The following SLC9A9 variants were observed in gnomAD, a reference collection of about 807,000 sequenced individuals.
The protein encoded by SLC9A9 is sodium/hydrogen exchanger 9.
In SLC9A9, 62 loss-of-function variants were observed where a neutral mutation model predicts 77.8. That is an observed-to-expected ratio of 0.80 (90% CI 0.65 to 0.98). The LOEUF (loss-of-function observed/expected upper bound fraction) is 0.98, where lower values mean the gene tolerates loss of function less well. Among genes scored for constraint, SLC9A9 ranks in the 50% least tolerant of loss-of-function variants. The pLI is 0.00. For missense variants in SLC9A9, 775 were observed against 774.9 expected, an observed-to-expected ratio of 1.00 and a Z score of 0.00; for synonymous variants, 320 against 283.5, an observed-to-expected ratio of 1.13 and a Z score of -1.29.
chr3:143,827,161 T>G (rs2009320383), intron 2 of SLC9A9, among the ~76,000 whole-genome samples: 1 of 152,224 alleles, frequency 6.6e-6, no homozygotes, highest in African/African-American at 2.4e-5. Context: ...CATTTTGGTA[T>G]TCCTAAATAT....
intron 14 of SLC9A9, among the ~76,000 whole-genome samples, chr3:143,313,872 A>G (rs1250721254): frequency 6.6e-6 from 1 of 152,176 alleles, no homozygotes; most frequent in Non-Finnish European, 1.5e-5. Flanking sequence ...GACGGGGAGT[A>G]TATTTCACCT....
chr3:143,505,942 G>C (rs998003642), intron 9 of SLC9A9, among the ~76,000 whole-genome samples: 13 of 152,050 alleles, frequency 8.5e-5, no homozygotes, highest in Middle Eastern at 3.2e-3. Flanking sequence ...ACTGATAATA[G>C]TATTCATATT....
chr3:143,712,260 CT>C (rs1405979928), intron 4 of SLC9A9, among the ~76,000 whole-genome samples: 7 of 152,102 alleles, frequency 4.6e-5, no homozygotes, highest in African/African-American at 1.7e-4. Flanking sequence ...CTCTACTTCT[CT>C]GGGGAAAAAA....
intron 2 of SLC9A9, among the ~76,000 whole-genome samples, chr3:143,803,300 CAT>C (rs2008618533): frequency 6.6e-6 from 1 of 152,172 alleles, no homozygotes; most frequent in Non-Finnish European, 1.5e-5. Context: ...GAGCCTAATA[CAT>C]CCCTTCATTC....
rs776974204 is a variant in SLC9A9 at position 143,771,192 on chromosome 3, C to G, written c.533+23809G>C. Among the ~76,000 whole-genome samples, 3 of 152,122 alleles carry G rather than the reference C, an allele frequency of 2.0e-5. No homozygotes were observed. The East Asian group carries it at 5.8e-4, about 29-fold the overall frequency. On this transcript the variant is annotated intron_variant, in intron 4 of 15. Coordinates refer to ENST00000316549, the MANE Select transcript of SLC9A9 (RefSeq NM_173653.4). ...CCTTGATTCAGAGCACACAGTAATACGAAGAAGCAAGGGGGCTTCCTAATG... is the reference window on the plus strand; with the variant it reads ...CCTTGATTCAGAGCACACAGTAATAGGAAGAAGCAAGGGGGCTTCCTAATG...
intron 9 of SLC9A9, among the ~76,000 whole-genome samples, chr3:143,515,084 T>C (rs1178418902): frequency 1.3e-5 from 2 of 152,100 alleles, no homozygotes; most frequent in Non-Finnish European, 2.9e-5. Context: ...TTTAAGGTGA[T>C]TGGTTAGCCT....
Position 143,315,070 on chromosome 3 carries a change from T to TACTC in SLC9A9, c.1605-46094_1605-46091dup, listed in dbSNP as rs531352203. ...AGAAACAAATAACCCTAAGGTGTGA[T>TACTC]ACTCAAGGAAATTACAGAATCCTTA... is the stretch of plus-strand genomic sequence containing the variant. On this transcript the variant is annotated intron_variant, in intron 14 of 15. Transcript: ENST00000316549. Among the ~76,000 whole-genome samples, 32 of 152,344 alleles carry TACTC rather than the reference T, an allele frequency of 2.1e-4. 2 individuals carry two copies. The highest frequency in any genetic ancestry group is 1.7e-3 in the Admixed American group (26 of 15,298).
chr3:143,403,846 G>T (rs535414395), intron 12 of SLC9A9, among the ~76,000 whole-genome samples: 1 of 152,230 alleles, frequency 6.6e-6, no homozygotes, highest in Admixed American at 6.5e-5. Flanking sequence ...CTTCTTGAAG[G>T]TGTGGATTGA....
intron 2 of SLC9A9, among the ~76,000 whole-genome samples, chr3:143,819,947 A>AC (rs1559813626): frequency 1.3e-5 from 2 of 152,204 alleles, no homozygotes; most frequent in Non-Finnish European, 2.9e-5. Context: ...TAAGTCACCT[A>AC]CCTTGTAAAT....
chr3:143,599,974 C>T (rs1361600596), intron 6 of SLC9A9, among the ~76,000 whole-genome samples: 2 of 152,108 alleles, frequency 1.3e-5, no homozygotes, highest in Admixed American at 6.6e-5. Flanking sequence ...TGGCGTTTTA[C>T]CTACCAGCCC....
At chr3:143,623,702 GAACT>G (rs1302319320) in intron 6 of SLC9A9, among the ~76,000 whole-genome samples, 1 of 152,160 alleles carries the variant, frequency 6.6e-6, no homozygotes, top group Non-Finnish European at 1.5e-5. Flanking sequence ...ACAATTAAAA[GAACT>G]AGAGAAGCAA....
intron 8 of SLC9A9, among the ~76,000 whole-genome samples, chr3:143,562,603 T>A (rs1438832430): frequency 1.3e-5 from 2 of 151,728 alleles, no homozygotes; most frequent in Non-Finnish European, 2.9e-5. Context: ...TTATCTTGCA[T>A]GTTTTGTTAG....
At chr3:143,391,799 C>T (rs1001683930) in intron 12 of SLC9A9, among the ~76,000 whole-genome samples, 15 of 152,042 alleles carry the variant, frequency 9.9e-5, no homozygotes, top group South Asian at 2.1e-4. Context: ...AACTATGGGA[C>T]GAATGCACAA....
chr3:143,269,126 T>C lies in SLC9A9; in HGVS notation c.1605-146A>G, dbSNP rs375115243. The C allele has an allele frequency of 7.3e-5, 49 of 675,016 alleles. 1 individual carries two copies. Among genetic ancestry groups the C allele is most frequent in the East Asian group, 5.6e-4 (19 of 33,764 alleles). The allele number at this position is 675,016 out of a possible 1,614,324, so 41.8% of individuals were successfully genotyped here. A position where few individuals can be genotyped will look rare whatever the true frequency, so the allele number is the denominator to read the frequency against. On this transcript the variant is annotated intron_variant, in intron 14 of 15. Coordinates refer to ENST00000316549, the MANE Select transcript of SLC9A9 (RefSeq NM_173653.4). ...TAGGAAGAAATTTGCCCTGCAAAAATTGCTGTTTATAATCTTTGTTACACA... is the reference window on the plus strand; with the variant it reads ...TAGGAAGAAATTTGCCCTGCAAAAACTGCTGTTTATAATCTTTGTTACACA...
At chr3:143,545,082 T>C (rs1026447496) in intron 9 of SLC9A9, among the ~76,000 whole-genome samples, 3 of 152,248 alleles carry the variant, frequency 2.0e-5, no homozygotes, top group Non-Finnish European at 2.9e-5. Context: ...CCTTATAGTA[T>C]GGTTTCAATT....
intron 8 of SLC9A9, 104 bp from the exon 9 acceptor site, chr3:143,552,554 T>A: frequency 2.2e-6 from 2 of 894,932 alleles, no homozygotes; most frequent in Non-Finnish European, 1.8e-6. Context: ...TCAGTAGAGT[T>A]AAAACTGCTA....
chr3:143,755,145 G>T (rs2006878801), intron 4 of SLC9A9, among the ~76,000 whole-genome samples: 1 of 152,146 alleles, frequency 6.6e-6, no homozygotes, highest in Admixed American at 6.5e-5. Flanking sequence ...GGAAATAGGT[G>T]TTTGCACAAT....
At chr3:143,549,292 C>G (rs2036840924) in intron 9 of SLC9A9, among the ~76,000 whole-genome samples, 1 of 152,098 alleles carries the variant, frequency 6.6e-6, no homozygotes, top group Admixed American at 6.5e-5. Flanking sequence ...AAGTGGGGAC[C>G]TTAGACTCTG....
chr3:143,695,228 C>G (rs1038844680), intron 4 of SLC9A9, among the ~76,000 whole-genome samples: 1 of 152,120 alleles, frequency 6.6e-6, no homozygotes, highest in Non-Finnish European at 1.5e-5. Context: ...GATACATGTG[C>G]AGAATGTGCA....
Sources: gnomAD v4.1 joint callset for allele counts (sites outside exome capture counted in the v4.1 genomes callset) on GRCh38, gnomAD v4.1.1 for gene constraint, MANE v1.5 for transcripts, NCBI Gene and HGNC (gene_info 2026-07-23, HGNC 2026-07-21) for gene names.